Variants in HLA-DQA1 observed in about 807,000 individuals in gnomAD.
HLA-DQA1 encodes the protein major histocompatibility complex, class II, DQ alpha 1, also known as HLA class II histocompatibility antigen, DQ alpha 1 chain.
HLA-DQA1 carries 10 observed loss-of-function variants against 20.7 expected under a neutral mutation model. The observed-to-expected ratio is 0.48, with a 90% confidence interval of 0.30 to 0.82. The LOEUF (loss-of-function observed/expected upper bound fraction) is 0.82. Among genes scored for constraint, HLA-DQA1 ranks in the 40% least tolerant of loss-of-function variants. The pLI is 0.07. For synonymous variants in HLA-DQA1, 39 were observed against 109.2 expected, an observed-to-expected ratio of 0.36 and a Z score of 4.01; for missense variants, 127 against 293.0, an observed-to-expected ratio of 0.43 and a Z score of 4.14.
chr6:32,643,092 C>A lies in HLA-DQA1; in HGVS notation c.*161C>A. Reference sequence around the variant, plus strand: ...CTCTGGGACTTAAGCTGCTATATCCCCTCAGAGCTCACAAATGCCTTTACA... The same window carrying A: ...CTCTGGGACTTAAGCTGCTATATCCACTCAGAGCTCACAAATGCCTTTACA... On this transcript the variant is annotated 3_prime_UTR_variant, in exon 5 of 5. Transcript: ENST00000343139. 1 of 342,758 alleles carries A rather than the reference C, an allele frequency of 2.9e-6. No homozygotes were observed. The highest frequency in any genetic ancestry group is 5.5e-6 in the Non-Finnish European group (1 of 180,344). The allele number at this position is 342,758 out of a possible 1,614,324, so 21.2% of individuals were successfully genotyped here.
downstream of HLA-DQA1, chr6:32,646,299 G>A (rs1214380910): frequency 1.3e-5 from 2 of 148,702 alleles, no homozygotes; most frequent in African/African-American, 5.0e-5. Context: ...ACAGAGGCTC[G>A]TGCTTGTGAT....
the HLA-DQA1 span, among the ~76,000 whole-genome samples, chr6:32,652,126 A>T: frequency 3.2e-5 from 3 of 93,098 alleles, 1 homozygote; most frequent in African/African-American, 1.1e-4. Flanking sequence ...TAAAAATACA[A>T]AAAAAATTAG....
Position 32,638,996 on chromosome 6 carries a change from G to T in HLA-DQA1, c.82+1456G>T, listed in dbSNP as rs9272536. The T allele has an allele frequency of 2.6e-3, 882 of 335,784 alleles. 57 individuals are homozygous for T. Among genetic ancestry groups the T allele is most frequent in the Admixed American group, 5.5e-3 (157 of 28,540 alleles). 20.8% of individuals were successfully genotyped at this position (335,784 alleles called of 1,614,324 possible). A position where few individuals can be genotyped will look rare whatever the true frequency, so the allele number is the denominator to read the frequency against. The stretch of plus-strand genomic sequence containing the variant: ...GTTGAAAAGTCAGATAGTTAAAAGG[G>T]GAAGTGAACTGGAAGGTACTTTAAA... On this transcript the variant is annotated intron_variant, in intron 1 of 4. Transcript: ENST00000343139.
chr6:32,643,677 T>C lies in HLA-DQA1; in HGVS notation c.*746T>C, dbSNP rs1781669538. ...AAAAATATCAAAAGTAAAAATGTATTCTCAAAACTTTAAATTTATGAAGAA... is the reference window on the plus strand; with the variant it reads ...AAAAATATCAAAAGTAAAAATGTATCCTCAAAACTTTAAATTTATGAAGAA... On this transcript the variant is annotated 3_prime_UTR_variant, in exon 5 of 5. Coordinates refer to ENST00000343139, the MANE Select transcript of HLA-DQA1 (RefSeq NM_002122.5). 7.0e-6 allele frequency: 1 copy of C among 143,246 alleles called. No homozygotes were observed. The highest frequency in any genetic ancestry group is 2.6e-5 in the African/African-American group (1 of 38,796). 8.9% of individuals were successfully genotyped at this position (143,246 alleles called of 1,614,324 possible).
In HLA-DQA1 at chr6:32,643,170, A is replaced by C. The variant is rs1130153; in HGVS notation, c.*239A>C. 25,835 of 352,892 alleles carry C rather than the reference A, an allele frequency of 0.073. 7,047 individuals are homozygous for C. Among genetic ancestry groups the C allele is most frequent in the African/African-American group, 0.11 (4,520 of 42,732 alleles). 21.9% of individuals were successfully genotyped at this position (352,892 alleles called of 1,614,324 possible). Reference sequence around the variant, plus strand: ...TTTCTTTTCTCAAATGTTACCTACAAAGACATGCCTGGGGTAAGCCACCCG... The same window carrying C: ...TTTCTTTTCTCAAATGTTACCTACACAGACATGCCTGGGGTAAGCCACCCG... On this transcript the variant is annotated 3_prime_UTR_variant, in exon 5 of 5. Coordinates refer to ENST00000343139, the MANE Select transcript of HLA-DQA1 (RefSeq NM_002122.5).
At chr6:32,639,010 A>T (rs1781151103) in intron 1 of HLA-DQA1, 1 of 328,288 alleles carries the variant, frequency 3.0e-6, no homozygotes, top group Non-Finnish European at 6.0e-6. Context: ...GTGAACTGGA[A>T]GGTACTTTAA....
In HLA-DQA1 at chr6:32,640,728, C is replaced by T. The variant is rs186957992; in HGVS notation, c.83-582C>T. 2.9e-3 allele frequency among the ~76,000 whole-genome samples: 292 copies of T among 101,632 alleles called. 28 individuals carry two copies. The highest frequency in any genetic ancestry group is 9.3e-3 in the African/African-American group (272 of 29,286). The allele number at this position is 101,632 out of a possible 152,430, so 66.7% of individuals were successfully genotyped here. A position where few individuals can be genotyped will look rare whatever the true frequency, so the allele number is the denominator to read the frequency against. On this transcript the variant is annotated intron_variant, in intron 1 of 4. Coordinates refer to ENST00000343139, the MANE Select transcript of HLA-DQA1 (RefSeq NM_002122.5). ...TATTATATATTTTGTAATGTTATTA[C>T]CAATCTTGTTATACTCTTTCTTATA...
Position 32,641,534 on chromosome 6 carries a change from T to C in HLA-DQA1, c.307T>C (p.Tyr103His). 1 of 1,028,222 alleles carries C rather than the reference T, an allele frequency of 9.7e-7. No individual in the cohort carries two copies. The highest frequency in any genetic ancestry group is 1.5e-5 in the South Asian group (1 of 65,406). The allele number at this position is 1,028,222 out of a possible 1,614,324, so 63.7% of individuals were successfully genotyped here. A position where few individuals can be genotyped will look rare whatever the true frequency, so the allele number is the denominator to read the frequency against. ...KHNLNIMIKR[Y>H]NSTAATNEVP... Reference sequence around the variant, plus strand: ...CAACTTGAACATCATGATTAAACGCTACAACTCTACCGCTGCTACCAATGG... The same window carrying C: ...CAACTTGAACATCATGATTAAACGCCACAACTCTACCGCTGCTACCAATGG... Residue 103 changes from tyrosine (Y) to histidine (H), a missense_variant, in exon 2 of 5, where the codon TAC becomes CAC. Physicochemically the swap from Tyr to His is moderately conservative, Grantham distance 83. Transcript: ENST00000343139.
At chr6:32,649,203 C>T (rs1444981615), downstream of HLA-DQA1, among the ~76,000 whole-genome samples, 2 of 96,708 alleles carry the variant, frequency 2.1e-5, 1 homozygote, top group Non-Finnish European at 4.6e-5. Flanking sequence ...AATGGCCATA[C>T]TGCCCAAGGT....
intron 1 of HLA-DQA1, chr6:32,639,000 G>A: frequency 2.9e-6 from 1 of 343,134 alleles, no homozygotes; most frequent in Non-Finnish European, 5.8e-6. Flanking sequence ...AAAAGGGGAA[G>A]TGAACTGGAA....
chr6:32,638,982 A>G (rs1458040541), intron 1 of HLA-DQA1: 1 of 355,250 alleles, frequency 2.8e-6, no homozygotes. Flanking sequence ...TTGAAAAGTC[A>G]GATAGTTAAA....
rs1781668179 is a variant in HLA-DQA1, at chr6:32,643,671, A to AGT, written c.*740_*741insGT. Reference sequence around the variant, plus strand: ...AATCTCAAAAATATCAAAAGTAAAAATGTATTCTCAAAACTTTAAATTTAT... The same window carrying AGT: ...AATCTCAAAAATATCAAAAGTAAAAAGTTGTATTCTCAAAACTTTAAATTTAT... On this transcript the variant is annotated 3_prime_UTR_variant, in exon 5 of 5. Coordinates refer to ENST00000343139, the MANE Select transcript of HLA-DQA1 (RefSeq NM_002122.5). 2 of 146,748 alleles carry AGT rather than the reference A, an allele frequency of 1.4e-5. No homozygotes were observed. The highest frequency in any genetic ancestry group is 4.3e-4 in the South Asian group (2 of 4,672). The allele number at this position is 146,748 out of a possible 1,614,324, so 9.1% of individuals were successfully genotyped here. A position where few individuals can be genotyped will look rare whatever the true frequency, so the allele number is the denominator to read the frequency against.
intron 1 of HLA-DQA1, among the ~76,000 whole-genome samples, chr6:32,640,711 A>G: frequency 9.3e-6 from 1 of 107,356 alleles, no homozygotes; most frequent in Non-Finnish European, 2.0e-5. Flanking sequence ...TTTATTATAT[A>G]TTTTGTAATG....
chr6:32,652,572 A>T, the HLA-DQA1 span, among the ~76,000 whole-genome samples: 83,946 of 148,828 alleles, frequency 0.56, 23,968 homozygotes, highest in Middle Eastern at 0.7. Context: ...ATGATGAACA[A>T]TTTTTTCAAC....
downstream of HLA-DQA1, among the ~76,000 whole-genome samples, chr6:32,650,032 AC>A (rs1782117796): frequency 2.1e-5 from 2 of 93,494 alleles, no homozygotes; most frequent in South Asian, 6.5e-4. Context: ...CAAAAGGTGG[AC>A]AAAGGATGTG....
chr6:32,650,865 AATAATAATAATAATAATAATAAT>A (rs1782152792), downstream of HLA-DQA1, among the ~76,000 whole-genome samples: 2 of 36,146 alleles, frequency 5.5e-5, no homozygotes, highest in African/African-American at 9.8e-5. Flanking sequence ...TAATAATAAT[AATAATAATAATAATAATAATAAT>A]AAAGAATTCT....
chr6:32,641,157 A>T (rs75503615), intron 1 of HLA-DQA1, among the ~76,000 whole-genome samples, 153 bp from the exon 2 acceptor site: 12,319 of 114,926 alleles, frequency 0.11, 2,761 homozygotes, highest in South Asian at 0.28. Flanking sequence ...ACCAACATGA[A>T]GAGGGGAGGA....
intron 2 of HLA-DQA1, 132 bp from the exon 3 acceptor site, chr6:32,641,840 A>AATGTG: frequency 1.6e-6 from 1 of 630,716 alleles, no homozygotes; most frequent in Non-Finnish European, 2.6e-6. Context: ...GTTGCTCCCA[A>AATGTG]GCAGAAGGTA....
At position 32,643,048 on chromosome 6, in the gene HLA-DQA1, A is replaced by G. The variant is rs7142; in HGVS notation, c.*117A>G. On this transcript the variant is annotated 3_prime_UTR_variant, in exon 5 of 5. Coordinates refer to ENST00000343139, the MANE Select transcript of HLA-DQA1 (RefSeq NM_002122.5). ...ATCATATCCCTTTTCTCCTCCAAAT[A>G]TTTCTCCTCTCACCTTTTCTCTGGG... The G allele has an allele frequency of 0.27, 91,918 of 345,516 alleles. 32,642 individuals carry two copies. Among genetic ancestry groups the G allele is most frequent in the South Asian group, 0.45 (20,553 of 46,078 alleles). 21.4% of individuals were successfully genotyped at this position (345,516 alleles called of 1,614,324 possible).
Sources: gnomAD v4.1 joint callset for allele counts (sites outside exome capture counted in the v4.1 genomes callset) on GRCh38, gnomAD v4.1.1 for gene constraint, MANE v1.5 for transcripts, NCBI Gene and HGNC (gene_info 2026-07-23, HGNC 2026-07-21) for gene names.